ANK1: variants seen among roughly 807,000 people sequenced by gnomAD.
ANK1 encodes ankyrin-1.
In ANK1, 51 loss-of-function variants were observed where a neutral mutation model predicts 210.4. The observed-to-expected ratio is 0.24, with a 90% confidence interval of 0.19 to 0.31. The LOEUF (loss-of-function observed/expected upper bound fraction) is 0.31. Ranked by LOEUF, ANK1 falls within the 10% of genes least tolerant of loss-of-function variation. The pLI is 1.00. For synonymous variants in ANK1, 967 were observed against 1,025.9 expected (o/e 0.94, Z 1.10); for missense variants, 2,051 against 2,504.4 (o/e 0.82, Z 3.86).
intron 1 of ANK1, among the ~76,000 whole-genome samples, chr8:41,788,533 C>A (rs80220369): frequency 6.6e-6 from 1 of 152,206 alleles, no homozygotes; most frequent in Non-Finnish European, 1.5e-5. Context: ...TTTCATCACT[C>A]TTCCTAGCTG....
rs1811193277 is a variant in ANK1 at position 41,668,294 on chromosome 8, G to A, written c.5367C>T (p.Ala1789=). The A allele has an allele frequency of 6.2e-7, 1 of 1,614,226 alleles. No individual in the cohort carries two copies. The highest frequency in any genetic ancestry group is 8.5e-7 in the Non-Finnish European group (1 of 1,180,042). ...GCACCACTTGGGTGAAGGTGTTCTT[G>A]GCCTCCTGCACCTGCTCTTCTTGGC... The part of the protein sequence containing the change: ...QQGQEEQVQE[A]KNTFTQVVQG... Residue 1789 remains alanine (A), a synonymous_variant, in exon 39 of 43, where the codon GCC becomes GCT. Transcript: ENST00000289734.
At chr8:41,761,786 G>A (rs1053999015) in intron 1 of ANK1, among the ~76,000 whole-genome samples, 1 of 152,092 alleles carries the variant, frequency 6.6e-6, no homozygotes, top group Non-Finnish European at 1.5e-5. Context: ...CACTGAAACA[G>A]GGAGTCCCTA....
rs563526453 is a variant in ANK1 at position 41,796,823 on chromosome 8, G to A, written c.27+689C>T. On this transcript the variant is annotated intron_variant, in intron 1 of 42. Transcript: ENST00000289734. ...ATGGCACAGGCTGGCCGTGCTGCCA[G>A]GCAGAGATAGGACGGGTTCTATCTA... Among the ~76,000 whole-genome samples the A allele has an allele frequency of 3.3e-5, 5 of 151,900 alleles. No individual in the cohort carries two copies. In the South Asian group the frequency reaches 8.4e-4, roughly 25 times the overall value.
chr8:41,822,335 T>C (rs4466386), intron 1 of ANK1, among the ~76,000 whole-genome samples: 113,992 of 152,102 alleles, frequency 0.75, 43,486 homozygotes, highest in African/African-American at 0.79. Flanking sequence ...TGGCATAGCT[T>C]TGCACTGGAA....
intron 7 of ANK1, 57 bp from the exon 8 acceptor site, chr8:41,723,690 C>T: frequency 1.3e-6 from 2 of 1,513,366 alleles, no homozygotes; most frequent in Non-Finnish European, 1.8e-6. Context: ...AATGCAGCTG[C>T]TGTGCACCCG....
At position 41,803,078 on chromosome 8, in the gene ANK1, A is replaced by AGGAAGGAAGGAAGGAAGGAAGGGAAG. The variant is rs1554630992; in HGVS notation, c.127-44942_127-44941insCTTCCCTTCCTTCCTTCCTTCCTTCC. 6.7e-3 allele frequency among the ~76,000 whole-genome samples: 499 copies of AGGAAGGAAGGAAGGAAGGAAGGGAAG among 74,886 alleles called. 9 individuals are homozygous for AGGAAGGAAGGAAGGAAGGAAGGGAAG. The highest frequency in any genetic ancestry group is 0.027 in the South Asian group (48 of 1,790). The allele number at this position is 74,886 out of a possible 152,430, so 49.1% of individuals were successfully genotyped here. ...AAGAGAGAAAGGAAGGAAGGAAGGA[A>AGGAAGGAAGGAAGGAAGGAAGGGAAG]GGAAGGGAAGGAAAGGAAAGGAAAG... is the stretch of plus-strand genomic sequence containing the variant. On this transcript the variant is annotated intron_variant, in intron 1 of 42. Coordinates refer to the ANK1 transcript ENST00000265709.
intron 1 of ANK1, among the ~76,000 whole-genome samples, chr8:41,891,158 A>G (rs1422955488): frequency 6.6e-6 from 1 of 152,236 alleles, no homozygotes; most frequent in African/African-American, 2.4e-5. Flanking sequence ...CACCTATTCA[A>G]AGGTGTTGCC....
At chr8:41,765,292 C>G (rs911240154) in intron 1 of ANK1, among the ~76,000 whole-genome samples, 1 of 151,424 alleles carries the variant, frequency 6.6e-6, no homozygotes, top group Non-Finnish European at 1.5e-5. Flanking sequence ...GAGTGGTCCC[C>G]CAGTGGTGCA....
At position 41,666,965 on chromosome 8, in the gene ANK1, T is replaced by G. The variant is rs56881808; in HGVS notation, c.5394+1302A>C. On this transcript the variant is annotated intron_variant, in intron 39 of 42. Transcript: ENST00000289734. Reference sequence around the variant, plus strand: ...TGTGTGATCTAGAAGGCCCTTCCAGTTCCCCTCACCAAAGGCTGACCACAG... The same window carrying G: ...TGTGTGATCTAGAAGGCCCTTCCAGGTCCCCTCACCAAAGGCTGACCACAG... Among the ~76,000 whole-genome samples, 415 of 152,296 alleles carry G rather than the reference T, an allele frequency of 2.7e-3. 4 individuals are homozygous for G. Among genetic ancestry groups the G allele is most frequent in the African/African-American group, 9.3e-3 (385 of 41,576 alleles).
chr8:41,841,822 C>T (rs918486563), intron 1 of ANK1, among the ~76,000 whole-genome samples: 1 of 152,210 alleles, frequency 6.6e-6, no homozygotes, highest in Admixed American at 6.5e-5. Flanking sequence ...AGGGTAAACC[C>T]GGAGACATGG....
chr8:41,832,503 G>T (rs1806865840), intron 1 of ANK1, among the ~76,000 whole-genome samples: 1 of 152,180 alleles, frequency 6.6e-6, no homozygotes, highest in South Asian at 2.1e-4. Context: ...TACCAGTGAA[G>T]CAGAAGCCAC....
intron 1 of ANK1, among the ~76,000 whole-genome samples, chr8:41,760,973 C>A (rs1440182328): frequency 7.4e-6 from 1 of 135,560 alleles, no homozygotes; most frequent in Admixed American, 7.3e-5. Context: ...ATCCCTGGAA[C>A]CTGTGAAGGT....
intron 16 of ANK1, among the ~76,000 whole-genome samples, chr8:41,711,835 T>C (rs925890042): frequency 6.6e-6 from 1 of 152,210 alleles, no homozygotes; most frequent in Admixed American, 6.5e-5. Flanking sequence ...CCCAGGGCCA[T>C]GGTTATCACG....
At chr8:41,841,263 C>A (rs1808837899) in intron 1 of ANK1, among the ~76,000 whole-genome samples, 1 of 152,202 alleles carries the variant, frequency 6.6e-6, no homozygotes, top group African/African-American at 2.4e-5. Flanking sequence ...GGACATTACA[C>A]TTAGTGAAAT....
At chr8:41,693,055 G>T (rs1227242508) in intron 30 of ANK1, 50 bp downstream of exon 30, 1 of 1,550,406 alleles carries the variant, frequency 6.4e-7, no homozygotes, top group Admixed American at 1.7e-5. Flanking sequence ...CGGCAGCATA[G>T]AGCCTGAGGA....
At chr8:41,859,470 T>C (rs1395979889) in intron 1 of ANK1, among the ~76,000 whole-genome samples, 2 of 152,200 alleles carry the variant, frequency 1.3e-5, no homozygotes, top group Non-Finnish European at 2.9e-5. Flanking sequence ...CTTCAGCGTC[T>C]TGAGTAGCTG....
At chr8:41,799,141 T>C (rs1455899051), upstream of ANK1, among the ~76,000 whole-genome samples, 1 of 152,212 alleles carries the variant, frequency 6.6e-6, no homozygotes, top group African/African-American at 2.4e-5. Context: ...TTTGAAGCAC[T>C]TGGACTCAAA....
intron 38 of ANK1, 54 bp from the exon 39 acceptor site, chr8:41,668,618 T>A: frequency 6.5e-7 from 1 of 1,549,130 alleles, no homozygotes; most frequent in Non-Finnish European, 8.8e-7. Flanking sequence ...AAAAGACACC[T>A]GGTCACCCAT....
intron 1 of ANK1, among the ~76,000 whole-genome samples, chr8:41,759,526 A>AAACAAACAAAC (rs1839961571): frequency 8.6e-6 from 1 of 116,872 alleles, no homozygotes; most frequent in Non-Finnish European, 1.9e-5. Context: ...AACAAACAAA[A>AAACAAACAAAC]AAACCCAGTA....
Sources: gnomAD v4.1 joint callset for allele counts (sites outside exome capture counted in the v4.1 genomes callset) on GRCh38, gnomAD v4.1.1 for gene constraint, MANE v1.5 for transcripts, NCBI Gene and HGNC (gene_info 2026-07-23, HGNC 2026-07-21) for gene names.